Variants in CDH9 observed in about 807,000 individuals in gnomAD.
CDH9 encodes cadherin 9, also known as cadherin-9.
A neutral mutation model predicts 70.9 loss-of-function variants in CDH9; 28 were observed. The ratio of observed to expected loss-of-function variants is 0.40; its 90% CI spans 0.29 to 0.54. CDH9 has a LOEUF of 0.54. Ranked by LOEUF, CDH9 falls within the 20% of genes least tolerant of loss-of-function variation. The probability of loss-of-function intolerance (pLI) is 0.59; values close to 1 mark genes in which losing one functional copy is unlikely to be tolerated. For synonymous variants in CDH9, 409 were observed against 343.1 expected (o/e 1.19, Z -2.12); for missense variants, 874 against 984.4 (o/e 0.89, Z 1.50).
chr5:27,038,240 CA>C (rs1158410661), intron 1 of CDH9, among the ~76,000 whole-genome samples: 1 of 151,702 alleles, frequency 6.6e-6, no homozygotes, highest in Admixed American at 6.6e-5. Flanking sequence ...ATCAGCTTTG[CA>C]AAAGTAAAAT....
intron 2 of CDH9, among the ~76,000 whole-genome samples, chr5:26,923,487 C>T (rs1484669554): frequency 6.6e-6 from 1 of 151,928 alleles, no homozygotes. Flanking sequence ...GAGACTTCAA[C>T]ACACCACTGT....
At chr5:26,944,575 C>G (rs538996112) in intron 2 of CDH9, among the ~76,000 whole-genome samples, 41 of 152,214 alleles carry the variant, frequency 2.7e-4, no homozygotes, top group African/African-American at 9.1e-4. Context: ...ATTGCTTGAG[C>G]TCAGGAAGTC....
chr5:26,882,212 C>G (rs1019684472), intron 11 of CDH9, among the ~76,000 whole-genome samples: 3 of 151,954 alleles, frequency 2.0e-5, no homozygotes, highest in Non-Finnish European at 4.4e-5. Context: ...TTATAGGAGG[C>G]TTAGAAAGCT....
chr5:26,961,587 C>T (rs548632729), intron 2 of CDH9, among the ~76,000 whole-genome samples: 38 of 152,224 alleles, frequency 2.5e-4, no homozygotes, highest in Non-Finnish European at 4.6e-4. Flanking sequence ...TATATTCTAT[C>T]ACTTTTCCTC....
Position 26,881,156 on chromosome 5 carries a change from C to T in CDH9, c.2350G>A (p.Asp784Asn), listed in dbSNP as rs1208985401. 6.2e-7 allele frequency: 1 copy of T among 1,608,070 alleles called. No individual in the cohort carries two copies. The highest frequency in any genetic ancestry group is 1.7e-5 in the Admixed American group (1 of 59,200). Reference sequence around the variant, plus strand: ...TCCTCTTAGTCTCGGTCACTATCATCACCCCCATACATATCGGCAAGTTTT... The same window carrying T: ...TCCTCTTAGTCTCGGTCACTATCATTACCCCCATACATATCGGCAAGTTTT... ...FKKLADMYGG[D>N]DSDRD is the part of the protein sequence containing the mutation. Residue 784 changes from aspartate (D) to asparagine (N), a missense_variant, in exon 12 of 12, where the codon GAT (aspartate) becomes AAT (asparagine). By Grantham distance (23) the Asp-to-Asn change is conservative. Transcript: ENST00000231021.
At chr5:26,945,004 C>T (rs1741725247) in intron 2 of CDH9, among the ~76,000 whole-genome samples, 2 of 152,024 alleles carry the variant, frequency 1.3e-5, no homozygotes, top group South Asian at 2.1e-4. Flanking sequence ...GTTGGATGTC[C>T]CCTTAAAACA....
chr5:26,900,448 T>C (rs1324655630), intron 7 of CDH9, among the ~76,000 whole-genome samples: 1 of 152,086 alleles, frequency 6.6e-6, no homozygotes, highest in Non-Finnish European at 1.5e-5. Context: ...GGCTAATTTA[T>C]TTTACAAAAT....
chr5:26,894,740 C>G (rs1740719971), intron 7 of CDH9, among the ~76,000 whole-genome samples: 1 of 152,048 alleles, frequency 6.6e-6, no homozygotes, highest in South Asian at 2.1e-4. Context: ...ACAAAGCTAT[C>G]TCTATGTTCC....
chr5:26,939,305 G>T lies in CDH9; in HGVS notation c.229-23381C>A, dbSNP rs1741618439. 2.0e-5 allele frequency among the ~76,000 whole-genome samples: 3 copies of T among 151,722 alleles called. No homozygotes were observed. The South Asian group carries it at 6.2e-4, about 32-fold the overall frequency. Reference sequence around the variant, plus strand: ...AACTAGTATTGTTAATATGAAATGAGCTCTTAGACTTAAATACAAAAACAA... The same window carrying T: ...AACTAGTATTGTTAATATGAAATGATCTCTTAGACTTAAATACAAAAACAA... On this transcript the variant is annotated intron_variant, in intron 2 of 11. Transcript: ENST00000231021.
At chr5:27,010,113 T>G (rs961111586) in intron 1 of CDH9, among the ~76,000 whole-genome samples, 1 of 152,140 alleles carries the variant, frequency 6.6e-6, no homozygotes, top group African/African-American at 2.4e-5. Flanking sequence ...AATTGTTAAA[T>G]GCACAGTATA....
chr5:27,016,354 A>G (rs139729076), intron 1 of CDH9, among the ~76,000 whole-genome samples: 333 of 151,996 alleles, frequency 2.2e-3, no homozygotes, highest in Non-Finnish European at 4.2e-3. Context: ...TACATTGCTC[A>G]TCAGAAAATG....
chr5:26,959,466 A>T (rs1741997949), intron 2 of CDH9, among the ~76,000 whole-genome samples: 3 of 152,094 alleles, frequency 2.0e-5, no homozygotes, highest in Admixed American at 6.6e-5. Context: ...AAAAAGTTAA[A>T]CAGAATTATT....
intron 1 of CDH9, among the ~76,000 whole-genome samples, chr5:26,994,945 G>C (rs1579501450): frequency 6.6e-6 from 1 of 152,156 alleles, no homozygotes; most frequent in East Asian, 1.9e-4. Flanking sequence ...TGTTTTGGGG[G>C]AAGTCTCTGA....
At chr5:26,899,031 A>G (rs1740803426) in intron 7 of CDH9, among the ~76,000 whole-genome samples, 2 of 152,208 alleles carry the variant, frequency 1.3e-5, no homozygotes, top group African/African-American at 4.8e-5. Flanking sequence ...GACACTTCTC[A>G]AAAGAAGACA....
chr5:26,992,866 G>A (rs1419602061), intron 1 of CDH9, among the ~76,000 whole-genome samples: 1 of 152,150 alleles, frequency 6.6e-6, no homozygotes, highest in Non-Finnish European at 1.5e-5. Context: ...GAAGGCCGAG[G>A]CGGGCGGATC....
chr5:26,977,485 G>GTGTATA (rs1491302863), intron 2 of CDH9, among the ~76,000 whole-genome samples: 179 of 68,846 alleles, frequency 2.6e-3, no homozygotes, highest in African/African-American at 0.012. Flanking sequence ...GTGTGTGTGT[G>GTGTATA]TATATATATA....
chr5:26,892,775 G>T (rs1018524307), intron 7 of CDH9, among the ~76,000 whole-genome samples: 9 of 152,080 alleles, frequency 5.9e-5, no homozygotes, highest in African/African-American at 1.9e-4. Flanking sequence ...CTCTCGCCCA[G>T]GCTGCAGTGC....
chr5:26,913,755 G>A (rs1184474107), intron 3 of CDH9, among the ~76,000 whole-genome samples: 1 of 113,728 alleles, frequency 8.8e-6, no homozygotes, highest in Non-Finnish European at 1.7e-5. Context: ...ATACATATAT[G>A]TTTGTGTGTG....
intron 2 of CDH9, among the ~76,000 whole-genome samples, chr5:26,958,844 A>T (rs16896410): frequency 0.7 from 106,675 of 152,036 alleles, 41,065 homozygotes; most frequent in East Asian, 0.99. Context: ...AAATAAAATG[A>T]TGGCAATAAT....
Sources: gnomAD v4.1 joint callset for allele counts (sites outside exome capture counted in the v4.1 genomes callset) on GRCh38, gnomAD v4.1.1 for gene constraint, MANE v1.5 for transcripts, NCBI Gene and HGNC (gene_info 2026-07-23, HGNC 2026-07-21) for gene names.